The following STAMBP variants were observed in gnomAD, a reference collection of about 807,000 sequenced individuals.
STAMBP encodes the protein STAM-binding protein.
In STAMBP, 31 loss-of-function variants were observed where a neutral mutation model predicts 50.7. That is an observed-to-expected ratio of 0.61 (90% CI 0.46 to 0.83). The LOEUF is 0.83. Among genes scored for constraint, STAMBP ranks in the 40% least tolerant of loss-of-function variants. The pLI is 0.00. For synonymous variants in STAMBP, 211 were observed against 192.4 expected (o/e 1.10, Z -0.80); for missense variants, 472 against 518.9 (o/e 0.91, Z 0.88).
At chr2:73,829,846 T>C (rs1057455943) in intron 1 of STAMBP, among the ~76,000 whole-genome samples, 2 of 152,236 alleles carry the variant, frequency 1.3e-5, no homozygotes, top group African/African-American at 4.8e-5. Flanking sequence ...AATGTGAGGA[T>C]GCCTGGGCGG....
chr2:73,839,210 C>G (rs1047087706), intron 2 of STAMBP, among the ~76,000 whole-genome samples: 1 of 152,202 alleles, frequency 6.6e-6, no homozygotes, highest in Admixed American at 6.5e-5. Flanking sequence ...CATATTTCCC[C>G]CCTCAGTAGC....
intron 9 of STAMBP, 27 bp from the exon 10 acceptor site, chr2:73,862,176 C>A: frequency 1.3e-6 from 2 of 1,586,552 alleles, no homozygotes; most frequent in Non-Finnish European, 8.5e-7. Context: ...TTTTCTAGGA[C>A]TCCACCTTTC....
Position 73,863,355 on chromosome 2 carries a change from A to T in STAMBP, c.*1096A>T, listed in dbSNP as rs1255494959. On this transcript the variant is annotated 3_prime_UTR_variant, in exon 10 of 10. Transcript: ENST00000394070. The stretch of plus-strand genomic sequence containing the variant: ...TGGTGTTCTAGGTGGCCTAGAAATA[A>T]TGGTGTCATTTGTGACACCTCGAGT... 6.6e-6 allele frequency: 1 copy of T among 152,222 alleles called. No individual in the cohort carries two copies. The highest frequency in any genetic ancestry group is 1.5e-5 in the Non-Finnish European group (1 of 68,048). 9.4% of individuals were successfully genotyped at this position (152,222 alleles called of 1,614,324 possible).
At chr2:73,855,597 G>C (rs1357831301) in intron 7 of STAMBP, 2 of 456,018 alleles carry the variant, frequency 4.4e-6, no homozygotes, top group Non-Finnish European at 4.4e-6. Flanking sequence ...CTCTTTAGCA[G>C]CCTAAAGGAT....
At chr2:73,860,516 T>A in intron 9 of STAMBP, 1 of 991,628 alleles carries the variant, frequency 1.0e-6, no homozygotes. Context: ...TTTCCTTTCA[T>A]CAATGTCTCT....
chr2:73,873,621 T>A (rs891553096), exon 11 of STAMBP: 25 of 152,240 alleles, frequency 1.6e-4, no homozygotes, highest in African/African-American at 5.8e-4. Context: ...CCATTCCCTG[T>A]CCAAGAAAAT....
At position 73,840,388 on chromosome 2, in the gene STAMBP, G is replaced by GTATGTTTTA. The variant is rs1378600242; in HGVS notation, c.204-4423_204-4422insTGTTTTATA. 4.3e-5 allele frequency among the ~76,000 whole-genome samples: 5 copies of GTATGTTTTA among 115,106 alleles called. No individual in the cohort carries two copies. The East Asian group carries it at 1.0e-3, about 24-fold the overall frequency. The allele number at this position is 115,106 out of a possible 152,430, so 75.5% of individuals were successfully genotyped here. The stretch of plus-strand genomic sequence containing the variant: ...TGAATATTTTTATACATATATCTTT[G>GTATGTTTTA]TACTGTTTTATAATGATCTCTAGGA... On this transcript the variant is annotated intron_variant, in intron 2 of 9. Coordinates refer to ENST00000394070, the MANE Select transcript of STAMBP (RefSeq NM_213622.4).
At chr2:73,848,212 C>A (rs748548668) in intron 5 of STAMBP, among the ~76,000 whole-genome samples, 13 of 152,002 alleles carry the variant, frequency 8.6e-5, no homozygotes, top group Non-Finnish European at 1.6e-4. Flanking sequence ...CACTTCCTAA[C>A]TTTAGCTTGC....
downstream of STAMBP, among the ~76,000 whole-genome samples, chr2:73,867,552 ATAAAT>A (rs1201594230): frequency 4.6e-5 from 7 of 152,328 alleles, no homozygotes; most frequent in Non-Finnish European, 5.9e-5. Flanking sequence ...AAAAAAATAA[ATAAAT>A]AACAATAATA....
chr2:73,845,036 G>T, intron 3 of STAMBP, 131 bp from the exon 4 acceptor site: 1 of 1,525,426 alleles, frequency 6.6e-7, no homozygotes, highest in Non-Finnish European at 8.8e-7. Flanking sequence ...TGAAGTAGCA[G>T]GTATGGTACA....
intron 2 of STAMBP, among the ~76,000 whole-genome samples, chr2:73,834,222 AAAAAAAAAAAAAAAATATAT>A (rs1188100377): frequency 7.4e-4 from 20 of 26,910 alleles, no homozygotes; most frequent in Non-Finnish European, 1.3e-3. Flanking sequence ...AAAAAAAAAA[AAAAAAAAAAAAAAAATATAT>A]ATATATATAT....
Position 73,829,183 on chromosome 2 carries a change from G to A in STAMBP, c.-340G>A, listed in dbSNP as rs1441071512. ...GCTGGCGCCTGACCAGCCAGGCCCA[G>A]CGGTTCCCCGCCTACTGCATTTGAA... On this transcript the variant is annotated 5_prime_UTR_variant, in exon 1 of 10. Coordinates refer to ENST00000394070, the MANE Select transcript of STAMBP (RefSeq NM_213622.4). 6.6e-6 allele frequency: 1 copy of A among 152,272 alleles called. No homozygotes were observed. Among genetic ancestry groups the A allele is most frequent in the African/African-American group, 2.4e-5 (1 of 41,456 alleles). The allele number at this position is 152,272 out of a possible 1,614,324, so 9.4% of individuals were successfully genotyped here.
chr2:73,867,549 T>A (rs968658090), downstream of STAMBP, among the ~76,000 whole-genome samples: 1 of 151,604 alleles, frequency 6.6e-6, no homozygotes, highest in African/African-American at 2.4e-5. Flanking sequence ...TCTAAAAAAA[T>A]AAATAAATAA....
At chr2:73,862,154 G>T (rs777330404) in intron 9 of STAMBP, 49 bp from the exon 10 acceptor site, 2 of 1,403,164 alleles carry the variant, frequency 1.4e-6, no homozygotes, top group Non-Finnish European at 9.7e-7. Flanking sequence ...AAAAAAAAAA[G>T]ACTTTTCAGA....
chr2:73,856,116 G>C (rs1677516478), intron 7 of STAMBP, among the ~76,000 whole-genome samples: 1 of 152,098 alleles, frequency 6.6e-6, no homozygotes, highest in African/African-American at 2.4e-5. Flanking sequence ...CAAATAATCG[G>C]GATGCACATT....
At chr2:73,833,427 C>G (rs2104176336) in intron 2 of STAMBP, among the ~76,000 whole-genome samples, 1 of 152,294 alleles carries the variant, frequency 6.6e-6, no homozygotes, top group South Asian at 2.1e-4. Flanking sequence ...ATTTCTGCTT[C>G]TGTTTGCTGT....
chr2:73,841,104 T>C (rs963064129), intron 2 of STAMBP, among the ~76,000 whole-genome samples: 1 of 152,248 alleles, frequency 6.6e-6, no homozygotes, highest in Non-Finnish European at 1.5e-5. Context: ...CTTTTTTCAT[T>C]GTTTATTGGG....
intron 7 of STAMBP, among the ~76,000 whole-genome samples, chr2:73,855,457 C>A (rs1050294558): frequency 1.3e-5 from 2 of 152,164 alleles, no homozygotes; most frequent in African/African-American, 4.8e-5. Context: ...TTTTTTGATT[C>A]TGTTTAAGAG....
intron 4 of STAMBP, among the ~76,000 whole-genome samples, chr2:73,845,501 A>G (rs942610675): frequency 6.6e-6 from 1 of 152,172 alleles, no homozygotes; most frequent in Non-Finnish European, 1.5e-5. Flanking sequence ...CCTACCTGCT[A>G]TGTCTAGAGT....
Sources: gnomAD v4.1 joint callset for allele counts (sites outside exome capture counted in the v4.1 genomes callset) on GRCh38, gnomAD v4.1.1 for gene constraint, MANE v1.5 for transcripts, NCBI Gene and HGNC (gene_info 2026-07-23, HGNC 2026-07-21) for gene names.